Variants in GPC5 observed in about 807,000 individuals in gnomAD.
GPC5 encodes glypican-5.
Under a neutral mutation model 53.9 loss-of-function variants are expected in GPC5, and 47 were observed. That is an observed-to-expected ratio of 0.87 (90% CI 0.69 to 1.11). The LOEUF is 1.11. GPC5 is among the 50% of genes most tolerant of loss of function. The pLI is 0.00. For missense variants in GPC5, 748 were observed against 713.1 expected (o/e 1.05, Z -0.56); for synonymous variants, 286 against 263.3 (o/e 1.09, Z -0.84).
intron 2 of GPC5, among the ~76,000 whole-genome samples, chr13:91,571,913 T>TACGTGTGTGTATGTATAC (rs1566516147): frequency 9.8e-6 from 1 of 101,580 alleles, no homozygotes; most frequent in South Asian, 4.6e-4. Context: ...ATTGTATATA[T>TACGTGTGTGTATGTATAC]ACACATATTG....
At chr13:91,708,651 G>A (rs2036159886) in intron 3 of GPC5, among the ~76,000 whole-genome samples, 1 of 152,004 alleles carries the variant, frequency 6.6e-6, no homozygotes, top group Non-Finnish European at 1.5e-5. Flanking sequence ...ACTGAATTGT[G>A]GATTTCAAAA....
intron 6 of GPC5, among the ~76,000 whole-genome samples, chr13:92,113,588 T>G (rs911586601): frequency 1.3e-5 from 2 of 152,156 alleles, no homozygotes; most frequent in Admixed American, 1.3e-4. Context: ...TCTTGTGACC[T>G]GGCATACTTT....
chr13:91,643,347 T>G (rs909647290), intron 2 of GPC5, among the ~76,000 whole-genome samples: 5 of 152,302 alleles, frequency 3.3e-5, no homozygotes, highest in Admixed American at 2.6e-4. Context: ...AATTTAAAAT[T>G]TAACATCATG....
intron 2 of GPC5, among the ~76,000 whole-genome samples, chr13:91,477,843 A>G (rs1883018415): frequency 6.6e-6 from 1 of 152,178 alleles, no homozygotes; most frequent in Admixed American, 6.5e-5. Context: ...ATCCAGGCAC[A>G]AGGGAGAGTT....
intron 7 of GPC5, among the ~76,000 whole-genome samples, chr13:92,467,897 T>C (rs927357329): frequency 2.6e-5 from 4 of 152,074 alleles, no homozygotes; most frequent in Non-Finnish European, 5.9e-5. Flanking sequence ...TTTGGGGAGA[T>C]GCACACACAA....
chr13:91,708,918 A>G (rs1466195195), intron 3 of GPC5, among the ~76,000 whole-genome samples: 3 of 152,206 alleles, frequency 2.0e-5, no homozygotes, highest in African/African-American at 4.8e-5. Flanking sequence ...CTTTAACACT[A>G]CAAGGTCCTT....
rs545507754 is a variant in GPC5 at position 92,513,248 on chromosome 13, T to C, written c.1562-353034T>C. ...TTTTCCATATTGGACCTAGAAGTAATGTTTTAGGAATCATTGACAGTGTGC... is the reference window on the plus strand; with the variant it reads ...TTTTCCATATTGGACCTAGAAGTAACGTTTTAGGAATCATTGACAGTGTGC... On this transcript the variant is annotated intron_variant, in intron 7 of 7. Coordinates refer to ENST00000377067, the MANE Select transcript of GPC5 (RefSeq NM_004466.6). Among the ~76,000 whole-genome samples the C allele has an allele frequency of 3.9e-5, 6 of 152,300 alleles. No individual in the cohort carries two copies. In the East Asian group the frequency reaches 1.2e-3, roughly 29 times the overall value.
At chr13:92,836,119 T>G (rs1164134891) in intron 7 of GPC5, among the ~76,000 whole-genome samples, 1 of 152,038 alleles carries the variant, frequency 6.6e-6, no homozygotes, top group Non-Finnish European at 1.5e-5. Context: ...TTACTTTTGT[T>G]TATCAACTTT....
chr13:92,258,920 C>G (rs1301065626), intron 7 of GPC5, among the ~76,000 whole-genome samples: 1 of 152,198 alleles, frequency 6.6e-6, no homozygotes, highest in African/African-American at 2.4e-5. Flanking sequence ...AGAGTTACTG[C>G]ACTCCAGTCT....
chr13:91,547,152 G>C (rs1415359838), intron 2 of GPC5, among the ~76,000 whole-genome samples: 1 of 152,004 alleles, frequency 6.6e-6, no homozygotes. Flanking sequence ...ATGCTGAATT[G>C]AGTACTGGAA....
At chr13:92,768,159 G>A (rs575508012) in intron 7 of GPC5, among the ~76,000 whole-genome samples, 1 of 152,222 alleles carries the variant, frequency 6.6e-6, no homozygotes, top group East Asian at 1.9e-4. Context: ...CATAATTGCA[G>A]TTTTTTCATA....
chr13:92,014,461 G>C (rs747654108), intron 6 of GPC5, among the ~76,000 whole-genome samples: 4 of 152,082 alleles, frequency 2.6e-5, no homozygotes, highest in Non-Finnish European at 5.9e-5. Flanking sequence ...GGAATTTCTG[G>C]TATAATTCAG....
At chr13:92,697,077 A>G (rs1887578551) in intron 7 of GPC5, among the ~76,000 whole-genome samples, 1 of 151,292 alleles carries the variant, frequency 6.6e-6, no homozygotes, top group African/African-American at 2.4e-5. Flanking sequence ...TGGTAGCAGT[A>G]CCATGCTGTT....
chr13:92,077,685 C>T (rs2041262994), intron 6 of GPC5, among the ~76,000 whole-genome samples: 1 of 152,062 alleles, frequency 6.6e-6, no homozygotes, highest in South Asian at 2.1e-4. Flanking sequence ...GTACGGTGCA[C>T]AGAAGGGATG....
intron 7 of GPC5, among the ~76,000 whole-genome samples, chr13:92,457,438 C>T (rs955435464): frequency 2.0e-5 from 3 of 151,902 alleles, no homozygotes; most frequent in African/African-American, 7.3e-5. Flanking sequence ...TTGTGAGAAT[C>T]AAAAACATCT....
intron 1 of GPC5, among the ~76,000 whole-genome samples, chr13:91,447,174 T>C (rs900170290): frequency 1.8e-4 from 27 of 152,250 alleles, no homozygotes; most frequent in Non-Finnish European, 5.9e-5. Context: ...TCTGCTGTTA[T>C]TGTTCTTTTT....
chr13:91,399,113 C>T lies in GPC5; in HGVS notation c.67C>T (p.Arg23Cys), dbSNP rs760668409. 4 of 1,607,310 alleles carry T rather than the reference C, an allele frequency of 2.5e-6. No individual in the cohort carries two copies. The highest frequency in any genetic ancestry group is 2.5e-6 in the Non-Finnish European group (3 of 1,177,228). ...LLLLALVGSA[R>C]SEGVQTCEEV... ...CCTTCTGGCCCTGGTTGGGTCCGCC[C>T]GCAGCGAGGGCGTGCAGACCTGCGA... Residue 23 changes from arginine (R) to cysteine (C), a missense_variant, in exon 1 of 8, where the codon CGC (arginine) becomes TGC (cysteine). Arg to Cys is a radical substitution (Grantham distance 180, BLOSUM62 -3). Transcript: ENST00000377067.
chr13:92,037,364 C>T (rs1030583133), intron 6 of GPC5, among the ~76,000 whole-genome samples: 3 of 152,170 alleles, frequency 2.0e-5, no homozygotes, highest in Non-Finnish European at 2.9e-5. Flanking sequence ...ATTCAGGAGA[C>T]TTGCTTTCAT....
chr13:92,067,278 T>A (rs2138860511), intron 6 of GPC5, among the ~76,000 whole-genome samples: 1 of 152,190 alleles, frequency 6.6e-6, no homozygotes, highest in South Asian at 2.1e-4. Flanking sequence ...CTTAGAGTAC[T>A]CTGTTGAAAC....
Sources: allele counts gnomAD v4.1 joint callset (sites outside exome capture counted in the v4.1 genomes callset), GRCh38; gene constraint gnomAD v4.1.1; transcripts MANE v1.5; gene names NCBI Gene and HGNC (gene_info 2026-07-23, HGNC 2026-07-21).